Variants in AKAP6 observed in about 807,000 individuals in gnomAD.
AKAP6 encodes the protein A-kinase anchoring protein 6, also known as A-kinase anchor protein 6.
A neutral mutation model predicts 188.5 loss-of-function variants in AKAP6; 58 were observed. The ratio of observed to expected loss-of-function variants is 0.31; its 90% CI spans 0.25 to 0.38. The LOEUF (loss-of-function observed/expected upper bound fraction) is 0.38. Among genes scored for constraint, AKAP6 ranks in the 10% least tolerant of loss-of-function variants. AKAP6 has a pLI of 1.00. For missense variants in AKAP6, 2,710 were observed against 2,740.0 expected (o/e 0.99, Z 0.24); for synonymous variants, 989 against 998.6 (o/e 0.99, Z 0.18).
At chr14:32,666,767 G>C (rs1260895343) in intron 7 of AKAP6, among the ~76,000 whole-genome samples, 3 of 151,494 alleles carry the variant, frequency 2.0e-5, no homozygotes, top group Admixed American at 1.3e-4. Flanking sequence ...ATTAATTTAG[G>C]CTTTTTTTCA....
chr14:32,338,557 A>G (rs1476690814), intron 1 of AKAP6, among the ~76,000 whole-genome samples: 1 of 152,156 alleles, frequency 6.6e-6, no homozygotes, highest in African/African-American at 2.4e-5. Context: ...GGGAATAGGC[A>G]GTACCATGAG....
intron 5 of AKAP6, among the ~76,000 whole-genome samples, chr14:32,583,206 T>G (rs1399484512): frequency 6.6e-6 from 1 of 152,136 alleles, no homozygotes; most frequent in African/African-American, 2.4e-5. Context: ...TTCCTTCTAA[T>G]AGACAGGACC....
chr14:32,512,862 A>G (rs1026559356), intron 2 of AKAP6, among the ~76,000 whole-genome samples: 1 of 152,224 alleles, frequency 6.6e-6, no homozygotes, highest in African/African-American at 2.4e-5. Context: ...AAAATGTTCT[A>G]GATTGAAAAT....
At chr14:32,761,816 A>C (rs991754504) in intron 11 of AKAP6, among the ~76,000 whole-genome samples, 3 of 152,090 alleles carry the variant, frequency 2.0e-5, no homozygotes, top group Admixed American at 1.3e-4. Flanking sequence ...ACTGTCCTGC[A>C]TATCCTTTGA....
chr14:32,772,501 A>G (rs1322029433), intron 11 of AKAP6, among the ~76,000 whole-genome samples: 1 of 152,216 alleles, frequency 6.6e-6, no homozygotes, highest in African/African-American at 2.4e-5. Flanking sequence ...CAGAAATAAT[A>G]GAATTCCAGC....
At chr14:32,657,304 A>T (rs1268426792) in intron 7 of AKAP6, among the ~76,000 whole-genome samples, 1 of 152,180 alleles carries the variant, frequency 6.6e-6, no homozygotes, top group African/African-American at 2.4e-5. Flanking sequence ...GCTGTGATGA[A>T]ATAACCCGTG....
intron 7 of AKAP6, among the ~76,000 whole-genome samples, chr14:32,613,540 A>T (rs1241917404): frequency 1.3e-5 from 2 of 152,148 alleles, no homozygotes; most frequent in Non-Finnish European, 2.9e-5. Context: ...TCATCCCCAA[A>T]GCTTTCATTT....
intron 2 of AKAP6, among the ~76,000 whole-genome samples, chr14:32,492,355 T>TATATATATATATATATATATATAGAGAG: frequency 3.3e-4 from 27 of 82,598 alleles, no homozygotes; most frequent in Non-Finnish European, 5.3e-4. Context: ...TATATATATA[T>TATATATATATATATATATATATAGAGAG]AGAGAGAGAG....
chr14:32,812,274 A>ATTGATGTTACTTCATT (rs2034256275), intron 12 of AKAP6, among the ~76,000 whole-genome samples: 1 of 152,212 alleles, frequency 6.6e-6, no homozygotes, highest in African/African-American at 2.4e-5. Context: ...GGATTTTTAC[A>ATTGATGTTACTTCATT]ACTTCATTGA....
At position 32,546,263 on chromosome 14, in the gene AKAP6, C is replaced by G. The variant is rs776463250; in HGVS notation, c.1610C>G (p.Thr537Ser). 1.2e-6 allele frequency: 2 copies of G among 1,614,192 alleles called. No homozygotes were observed. Among genetic ancestry groups the G allele is most frequent in the Non-Finnish European group, 1.7e-6 (2 of 1,180,026 alleles). Reference protein sequence around the residue: ...SAVPNGELSYTSKAIEGPQTN... With the variant: ...SAVPNGELSYSSKAIEGPQTN... Reference sequence around the variant, plus strand: ...GTGCCAAATGGAGAGCTTTCTTATACTTCCAAGGCCATAGAGGGGCCACAA... The same window carrying G: ...GTGCCAAATGGAGAGCTTTCTTATAGTTCCAAGGCCATAGAGGGGCCACAA... Residue 537 changes from threonine to serine, a missense_variant, in exon 4 of 14, where the codon ACT becomes AGT. Physicochemically the swap from Thr to Ser is moderately conservative, Grantham distance 58. Coordinates refer to ENST00000280979, the MANE Select transcript of AKAP6 (RefSeq NM_004274.5).
chr14:32,549,397 G>A (rs556330927), intron 4 of AKAP6, among the ~76,000 whole-genome samples: 6 of 152,322 alleles, frequency 3.9e-5, no homozygotes, highest in East Asian at 1.9e-4. Context: ...GAAAAGGAAG[G>A]TGGCGTTTCA....
At position 32,821,794 on chromosome 14, in the gene AKAP6, C is replaced by T. The variant is rs1265940010; in HGVS notation, c.3981C>T (p.Asp1327=). Residue 1327 remains aspartate (D), a synonymous_variant, in exon 13 of 14, where the codon GAC becomes GAT. Coordinates refer to ENST00000280979, the MANE Select transcript of AKAP6 (RefSeq NM_004274.5). ...PNVLTKSLSK[D]SSFSSTKSLP... ...TTTTAACTAAGAGTCTCAGTAAAGA[C>T]TCTTCATTTTCATCTACCAAATCTT... 4 of 1,613,688 alleles carry T rather than the reference C, an allele frequency of 2.5e-6. No homozygotes were observed. The highest frequency in any genetic ancestry group is 1.3e-5 in the African/African-American group (1 of 74,866).
At chr14:32,466,827 T>A (rs1878476135) in intron 2 of AKAP6, among the ~76,000 whole-genome samples, 1 of 115,116 alleles carries the variant, frequency 8.7e-6, no homozygotes, top group Non-Finnish European at 1.6e-5. Flanking sequence ...AAAAACAAGA[T>A]TATATATATA....
chr14:32,769,773 T>C (rs1195907685), intron 11 of AKAP6, among the ~76,000 whole-genome samples: 1 of 152,162 alleles, frequency 6.6e-6, no homozygotes, highest in East Asian at 1.9e-4. Flanking sequence ...ATCTCTCTTT[T>C]TTTCTGATCT....
At chr14:32,821,043 C>T (rs1286128670) in intron 12 of AKAP6, among the ~76,000 whole-genome samples, 1 of 152,180 alleles carries the variant, frequency 6.6e-6, no homozygotes, top group African/African-American at 2.4e-5. Flanking sequence ...TAGGAGATGT[C>T]ATAGGCTGTA....
rs186651905 is a variant in AKAP6, at chr14:32,343,620, C to T, written c.-35+14212C>T. ...AAAATTAGCCAGGCATGATGGCAGG[C>T]GCCTGTAGTCCCAGCTACTCGGGAG... On this transcript the variant is annotated intron_variant, in intron 1 of 13. Transcript: ENST00000280979. Among the ~76,000 whole-genome samples the T allele has an allele frequency of 6.1e-4, 93 of 151,556 alleles. No individual in the cohort carries two copies. In the East Asian group the frequency reaches 0.014, roughly 22 times the overall value.
At chr14:32,465,819 G>A (rs1878385272) in intron 2 of AKAP6, among the ~76,000 whole-genome samples, 1 of 152,132 alleles carries the variant, frequency 6.6e-6, no homozygotes, top group Non-Finnish European at 1.5e-5. Flanking sequence ...GAAAATTTTT[G>A]CAATCTATCC....
At position 32,800,881 on chromosome 14, in the gene AKAP6, G is replaced by C. The variant is rs146328358; in HGVS notation, c.3589-20521G>C. ...AAAATACAAAAATTAGCTGGGCATA[G>C]TGGTGCATACCTGTGGTCTCAGCTA... On this transcript the variant is annotated intron_variant, in intron 12 of 13. Coordinates refer to ENST00000280979, the MANE Select transcript of AKAP6 (RefSeq NM_004274.5). Among the ~76,000 whole-genome samples the C allele has an allele frequency of 5.3e-3, 800 of 152,246 alleles. 11 individuals carry two copies. Among genetic ancestry groups the C allele is most frequent in the East Asian group, 0.034 (178 of 5,164 alleles).
chr14:32,659,103 TTTA>T (rs1261326588), intron 7 of AKAP6, among the ~76,000 whole-genome samples: 6 of 152,124 alleles, frequency 3.9e-5, no homozygotes, highest in South Asian at 2.1e-4. Flanking sequence ...AGTAAGTACA[TTTA>T]TTGACTAAAG....
Sources: allele counts gnomAD v4.1 joint callset (sites outside exome capture counted in the v4.1 genomes callset), GRCh38; gene constraint gnomAD v4.1.1; transcripts MANE v1.5; gene names NCBI Gene and HGNC (gene_info 2026-07-23, HGNC 2026-07-21).